CYP4F22: variants seen among roughly 807,000 people sequenced by gnomAD.
CYP4F22 encodes the protein cytochrome P450 family 4 subfamily F member 22, also known as ultra-long-chain fatty acid omega-hydroxylase.
A neutral mutation model predicts 60.4 loss-of-function variants in CYP4F22; 37 were observed. The observed-to-expected ratio is 0.61, with a 90% CI of 0.47 to 0.81. The LOEUF is 0.81. Among genes scored for constraint, CYP4F22 ranks in the 30% least tolerant of loss-of-function variants. The probability of loss-of-function intolerance (pLI) is 0.00; values close to 1 mark genes in which losing one functional copy is unlikely to be tolerated. For missense variants in CYP4F22, 655 were observed against 715.0 expected, an observed-to-expected ratio of 0.92 and a Z score of 0.96; for synonymous variants, 258 against 280.5, an observed-to-expected ratio of 0.92 and a Z score of 0.80.
intron 10 of CYP4F22, 47 bp downstream of exon 10, chr19:15,544,326 C>A: frequency 6.3e-7 from 1 of 1,589,618 alleles, no homozygotes; most frequent in South Asian, 1.1e-5. Context: ...GAGGCCAGAG[C>A]CTTGGGTGTA....
At chr19:15,530,073 C>T (rs1677100054) in intron 4 of CYP4F22, among the ~76,000 whole-genome samples, 1 of 152,198 alleles carries the variant, frequency 6.6e-6, no homozygotes, top group Admixed American at 6.5e-5. Context: ...AGGGAATGTC[C>T]ATCCATCTGG....
intron 8 of CYP4F22, among the ~76,000 whole-genome samples, chr19:15,542,461 C>T (rs1013408031): frequency 1.3e-5 from 2 of 152,118 alleles, no homozygotes; most frequent in Non-Finnish European, 2.9e-5. Context: ...CGCTTGAACC[C>T]TGGAGGCAGA....
chr19:15,548,002 A>AGAGAGT lies in CYP4F22; in HGVS notation c.1137-105_1137-104insAGAGTG, dbSNP rs1237209926. ...GAGAGAGAGAGAGAGAGAGGGAGAG[A>AGAGAGT]GTGTGTGTGTGTGTGTGTGTGTGTG... On this transcript the variant is annotated intron_variant, in intron 10 of 13. Coordinates refer to ENST00000269703, the MANE Select transcript of CYP4F22 (RefSeq NM_173483.4). 37 of 367,248 alleles carry AGAGAGT rather than the reference A, an allele frequency of 1.0e-4. 3 individuals carry two copies. The highest frequency in any genetic ancestry group is 6.1e-4 in the African/African-American group (16 of 26,280). The allele number at this position is 367,248 out of a possible 1,614,324, so 22.7% of individuals were successfully genotyped here.
intron 5 of CYP4F22, 57 bp from the exon 6 acceptor site, chr19:15,537,478 C>T: frequency 1.2e-6 from 2 of 1,614,038 alleles, no homozygotes; most frequent in Non-Finnish European, 1.7e-6. Flanking sequence ...GCATGGGGTT[C>T]CTTGGAAGGT....
chr19:15,538,723 G>A (rs1273530), intron 7 of CYP4F22, among the ~76,000 whole-genome samples: 12,169 of 152,186 alleles, frequency 0.08, 662 homozygotes, highest in African/African-American at 0.16. Context: ...ATAGGGGCAC[G>A]TTCCAGTTGG....
intron 2 of CYP4F22, among the ~76,000 whole-genome samples, chr19:15,524,483 C>T (rs976585171): frequency 1.3e-5 from 2 of 151,840 alleles, no homozygotes; most frequent in Non-Finnish European, 2.9e-5. Context: ...AATCCTGTCT[C>T]TACAAAAAAA....
In CYP4F22 at chr19:15,551,418, C is replaced by T. The variant is rs1971594693; in HGVS notation, c.1543C>T (p.Arg515Cys). The change falls in exon 14 of 14, where the codon CGC (arginine) becomes TGC (cysteine). Residue 515 changes from arginine (R) to cysteine (C), a missense_variant. By Grantham distance (180) the Arg-to-Cys change is radical (BLOSUM62 -3). This residue lies in a region of CYP4F22 where 151 missense variants were observed against 139.4 expected (regional missense o/e 1.08). Coordinates refer to ENST00000269703, the MANE Select transcript of CYP4F22 (RefSeq NM_173483.4). ...KVRRKPELIL[R>C]TENGLWLKVE... ...GCGGCGGAAGCCGGAGCTCATACTG[C>T]GCACGGAGAACGGGCTCTGGCTCAA... 1.3e-6 allele frequency: 2 copies of T among 1,595,964 alleles called. No individual in the cohort carries two copies. Among genetic ancestry groups the T allele is most frequent in the African/African-American group, 2.7e-5 (2 of 74,376 alleles).
At chr19:15,511,208 C>A (rs7254118) in intron 1 of CYP4F22, among the ~76,000 whole-genome samples, 82,229 of 150,840 alleles carry the variant, frequency 0.55, 23,426 homozygotes, top group Non-Finnish European at 0.63. Context: ...TCAGGTGATC[C>A]TCCCTCCTCC....
intron 10 of CYP4F22, among the ~76,000 whole-genome samples, chr19:15,545,642 C>A (rs1321301420): frequency 1.6e-5 from 1 of 64,332 alleles, no homozygotes; most frequent in Admixed American, 1.6e-4. Flanking sequence ...GAGTGAGACC[C>A]TGTCTCAAAA....
intron 1 of CYP4F22, chr19:15,515,950 C>G (rs977399759): frequency 1.3e-5 from 2 of 152,092 alleles, no homozygotes; most frequent in Non-Finnish European, 2.9e-5. Context: ...GTCTTGATCT[C>G]CTGACCTCGT....
chr19:15,529,750 A>G lies in CYP4F22; in HGVS notation c.264A>G (p.Val88=). The G allele has an allele frequency of 6.2e-7, 1 of 1,614,132 alleles. No individual in the cohort carries two copies. Among genetic ancestry groups the G allele is most frequent in the Non-Finnish European group, 8.5e-7 (1 of 1,180,040 alleles). ...NEAGLQDEKK[V]LDNMHHVLLV... is the part of the protein sequence containing the mutation. ...CGGGCCTTCAAGATGAGAAGAAGGT[A>G]CTGGACAACATGCACCATGTACTCT... Residue 88 remains valine (V), a synonymous_variant, in exon 4 of 14, where the codon GTA becomes GTG. Coordinates refer to ENST00000269703, the MANE Select transcript of CYP4F22 (RefSeq NM_173483.4).
intron 2 of CYP4F22, 27 bp downstream of exon 2, chr19:15,523,826 A>G (rs1014039134): frequency 6.6e-6 from 1 of 152,242 alleles, no homozygotes; most frequent in African/African-American, 2.4e-5. Flanking sequence ...ATGTACACAC[A>G]TGTTCAGAGT....
At chr19:15,530,999 T>C (rs1432008553) in intron 4 of CYP4F22, among the ~76,000 whole-genome samples, 1 of 151,996 alleles carries the variant, frequency 6.6e-6, no homozygotes, top group Non-Finnish European at 1.5e-5. Flanking sequence ...CCCAACACTT[T>C]GGGAAGCTGA....
intron 8 of CYP4F22, 63 bp from the exon 9 acceptor site, chr19:15,543,908 G>A: frequency 6.4e-7 from 1 of 1,572,308 alleles, no homozygotes; most frequent in Non-Finnish European, 8.7e-7. Context: ...TGAGTTTTGA[G>A]GAGCCCCTAG....
At position 15,513,129 on chromosome 19, in the gene CYP4F22, G is replaced by C. The variant is rs181631808; in HGVS notation, c.-109+4546G>C. On this transcript the variant is annotated intron_variant, in intron 1 of 13. Coordinates refer to ENST00000269703, the MANE Select transcript of CYP4F22 (RefSeq NM_173483.4). ...AGTACTTAACTCGCAGGGGTACCAG[G>C]CTTTCCATATGGACCACACACAGAG... is the stretch of plus-strand genomic sequence containing the variant. Among the ~76,000 whole-genome samples, 132 of 152,028 alleles carry C rather than the reference G, an allele frequency of 8.7e-4. 1 individual carries two copies. The East Asian group carries it at 0.02, about 23-fold the overall frequency.
chr19:15,509,676 C>A (rs1013828090), intron 1 of CYP4F22, among the ~76,000 whole-genome samples: 6 of 152,128 alleles, frequency 3.9e-5, no homozygotes, highest in Non-Finnish European at 4.4e-5. Flanking sequence ...AAAAAACAAG[C>A]CCTGTTTGAC....
intron 1 of CYP4F22, among the ~76,000 whole-genome samples, chr19:15,522,623 C>T (rs1033080714): frequency 6.6e-6 from 1 of 152,132 alleles, no homozygotes; most frequent in African/African-American, 2.4e-5. Context: ...CTGCATTGAG[C>T]CGTGATAGTA....
At chr19:15,538,167 A>G (rs1436331111) in intron 7 of CYP4F22, among the ~76,000 whole-genome samples, 174 bp downstream of exon 7, 2 of 151,892 alleles carry the variant, frequency 1.3e-5, no homozygotes, top group Non-Finnish European at 2.9e-5. Flanking sequence ...TTTTTTTTTA[A>G]TCAAAAAAAT....
Position 15,520,719 on chromosome 19 carries a change from C to T in CYP4F22, c.-108-2974C>T, listed in dbSNP as rs537577687. Among the ~76,000 whole-genome samples, 359 of 151,432 alleles carry T rather than the reference C, an allele frequency of 2.4e-3. 2 individuals are homozygous for T. The highest frequency in any genetic ancestry group is 6.1e-3 in the South Asian group (29 of 4,788). ...TTTCCTGCCTCAGCCTCCCGAGTAGCGGGTACTACAGGCGAATGCTGCCAT... is the reference window on the plus strand; with the variant it reads ...TTTCCTGCCTCAGCCTCCCGAGTAGTGGGTACTACAGGCGAATGCTGCCAT... On this transcript the variant is annotated intron_variant, in intron 1 of 13. Transcript: ENST00000269703.
Sources: allele counts gnomAD v4.1 joint callset (sites outside exome capture counted in the v4.1 genomes callset), GRCh38; gene constraint gnomAD v4.1.1; regional missense constraint gnomAD v4.1.1; transcripts MANE v1.5; gene names NCBI Gene and HGNC (gene_info 2026-07-23, HGNC 2026-07-21).